Variants in CREBBP observed in about 807,000 individuals in gnomAD.
CREBBP encodes CREB-binding protein.
CREBBP carries 19 observed loss-of-function variants against 265.0 expected under a neutral mutation model. The observed-to-expected ratio is 0.07, with a 90% CI of 0.05 to 0.11. CREBBP has a LOEUF of 0.11. Ranked by LOEUF, CREBBP falls within the 10% of genes least tolerant of loss-of-function variation. CREBBP has a pLI of 1.00. For synonymous variants in CREBBP, 1,457 were observed against 1,223.7 expected, an observed-to-expected ratio of 1.19 and a Z score of -3.98; for missense variants, 2,525 against 3,219.0, an observed-to-expected ratio of 0.78 and a Z score of 5.22.
intron 19 of CREBBP, among the ~76,000 whole-genome samples, chr16:3,752,567 T>C (rs2052498187): frequency 6.6e-6 from 1 of 152,160 alleles, no homozygotes; most frequent in South Asian, 2.1e-4. Context: ...TCAAAGACTT[T>C]CCACCCATTT....
chr16:3,736,608 C>G lies in CREBBP; in HGVS notation c.4560+42G>C, dbSNP rs917206439. ...AAAAGGCACACAAATATCCTCCCCTCAGTTGTGACAAAAGCCACCACCTTC... is the reference window on the plus strand; with the variant it reads ...AAAAGGCACACAAATATCCTCCCCTGAGTTGTGACAAAAGCCACCACCTTC... On this transcript the variant is annotated intron_variant, in intron 27 of 30. Transcript: ENST00000262367. The G allele has an allele frequency of 2.5e-6, 4 of 1,613,658 alleles. No individual in the cohort carries two copies. The African/African-American group carries it at 5.3e-5, about 22-fold the overall frequency.
In CREBBP at chr16:3,736,016, G is replaced by A. The variant is rs2151327539; in HGVS notation, c.4728+20C>T. The A allele has an allele frequency of 6.2e-7, 1 of 1,614,238 alleles. No homozygotes were observed. The highest frequency in any genetic ancestry group is 1.1e-5 in the South Asian group (1 of 91,084). ...TCCAGCGGGACACGTGGGCAATGGA[G>A]CTCAGAGAAGGGTCTGTACCTCAGT... On this transcript the variant is annotated intron_variant, in intron 28 of 30. Transcript: ENST00000262367.
chr16:3,871,195 T>A (rs2530889), intron 1 of CREBBP, among the ~76,000 whole-genome samples: 2,453 of 79,130 alleles, frequency 0.031, 55 homozygotes, highest in African/African-American at 0.077. Flanking sequence ...TCTCTCTCTC[T>A]CACTCACACA....
At chr16:3,832,152 C>G (rs980245963) in intron 2 of CREBBP, among the ~76,000 whole-genome samples, 12 of 151,872 alleles carry the variant, frequency 7.9e-5, no homozygotes, top group Admixed American at 7.9e-4. Flanking sequence ...ATAGCTAATA[C>G]CTATTAGCTA....
intron 3 of CREBBP, among the ~76,000 whole-genome samples, chr16:3,798,001 G>T (rs2053640963): frequency 2.0e-5 from 3 of 152,168 alleles, no homozygotes; most frequent in African/African-American, 7.2e-5. Context: ...AGAAAATGCA[G>T]ACACCTCACA....
At chr16:3,862,404 G>A (rs1478524044) in intron 1 of CREBBP, among the ~76,000 whole-genome samples, 4 of 152,092 alleles carry the variant, frequency 2.6e-5, no homozygotes, top group Non-Finnish European at 4.4e-5. Flanking sequence ...ACTACGGTAG[G>A]CAGGCTTGCT....
In CREBBP at chr16:3,728,405, CTGCTGCTGT is replaced by C. The variant is rs746989288; in HGVS notation, c.6633_6641del (p.Gln2214_Gln2216del). The C allele has an allele frequency of 2.3e-5, 37 of 1,613,408 alleles. 1 individual carries two copies. Among genetic ancestry groups the C allele is most frequent in the Middle Eastern group, 3.3e-4 (2 of 6,080 alleles). On this transcript the variant is annotated inframe_deletion, in exon 31 of 31. Coordinates refer to ENST00000262367, the MANE Select transcript of CREBBP (RefSeq NM_004380.3). The surrounding 1 kb of genome is among the most constrained non-coding windows in gnomAD (Gnocchi z 8.7). ...CAGCCATGCCGGCACTCCCTTGCTG[CTGCTGCTGT>C]TGCTGCTGTTGTTGCTGCTGCTGTT... is the stretch of plus-strand genomic sequence containing the variant.
intron 3 of CREBBP, among the ~76,000 whole-genome samples, chr16:3,794,296 C>T (rs940539247): frequency 7.4e-6 from 1 of 135,042 alleles, no homozygotes; most frequent in African/African-American, 2.8e-5. Flanking sequence ...GGCGCCACCG[C>T]ACTCCAGCCT....
chr16:3,758,210 G>A (rs555793565), intron 17 of CREBBP, among the ~76,000 whole-genome samples, 162 bp from the exon 18 acceptor site: 2 of 151,984 alleles, frequency 1.3e-5, no homozygotes, highest in Non-Finnish European at 2.9e-5. Context: ...AACCTCTGAC[G>A]CAACTGATTT....
At position 3,735,389 on chromosome 16, in the gene CREBBP, C is replaced by T. The variant is rs189677242; in HGVS notation, c.4728+647G>A. 6.6e-5 allele frequency among the ~76,000 whole-genome samples: 10 copies of T among 152,270 alleles called. No homozygotes were observed. The East Asian group carries it at 7.7e-4, about 12-fold the overall frequency. ...TAGGCTCACTGCAACCTCCGCCTCCCGGGTTCAAGCGATTCTCCTGCCTCA... is the reference window on the plus strand; with the variant it reads ...TAGGCTCACTGCAACCTCCGCCTCCTGGGTTCAAGCGATTCTCCTGCCTCA... On this transcript the variant is annotated intron_variant, in intron 28 of 30. Coordinates refer to ENST00000262367, the MANE Select transcript of CREBBP (RefSeq NM_004380.3).
intron 28 of CREBBP, among the ~76,000 whole-genome samples, chr16:3,733,044 A>G (rs529666084): frequency 2.0e-5 from 3 of 152,144 alleles, no homozygotes; most frequent in African/African-American, 7.2e-5. Flanking sequence ...CTTGGTGTTC[A>G]AAGAGAGGGG....
At chr16:3,840,302 C>T (rs1019608905) in intron 2 of CREBBP, among the ~76,000 whole-genome samples, 11 of 152,072 alleles carry the variant, frequency 7.2e-5, no homozygotes, top group African/African-American at 2.4e-4. Context: ...ACTTGTAATC[C>T]CAGCACTTTG....
intron 2 of CREBBP, among the ~76,000 whole-genome samples, chr16:3,826,346 A>C (rs1393691913): frequency 1.3e-5 from 2 of 152,248 alleles, no homozygotes; most frequent in East Asian, 3.8e-4. Context: ...TAAATTATGT[A>C]GACACTTTGC....
At chr16:3,753,097 A>G (rs898112487) in intron 19 of CREBBP, among the ~76,000 whole-genome samples, 3 of 152,188 alleles carry the variant, frequency 2.0e-5, no homozygotes, top group Admixed American at 6.5e-5. Flanking sequence ...AGATGCCAGG[A>G]AGGATTAGTA....
rs1238569926 is a variant in CREBBP, at chr16:3,726,983, G to A, written c.*735C>T. The A allele has an allele frequency of 4.3e-6, 1 of 233,536 alleles. No homozygotes were observed. The highest frequency in any genetic ancestry group is 2.2e-5 in the African/African-American group (1 of 45,332). The allele number at this position is 233,536 out of a possible 1,614,324, so 14.5% of individuals were successfully genotyped here. ...TTTTCCTCATTTCAAGTTTCACATA[G>A]AAGAAAGAAAAGAAGGCTTCTTCTC... is the stretch of plus-strand genomic sequence containing the variant. On this transcript the variant is annotated 3_prime_UTR_variant, in exon 31 of 31. Coordinates refer to ENST00000262367, the MANE Select transcript of CREBBP (RefSeq NM_004380.3).
intron 3 of CREBBP, among the ~76,000 whole-genome samples, chr16:3,806,435 T>C (rs1012204120): frequency 4.7e-5 from 7 of 150,432 alleles, no homozygotes; most frequent in African/African-American, 1.5e-4. Context: ...AATGGTGAAG[T>C]CTCCATAACG....
intron 21 of CREBBP, among the ~76,000 whole-genome samples, chr16:3,748,275 T>G (rs559402653): frequency 6.7e-6 from 1 of 149,392 alleles, no homozygotes; most frequent in African/African-American, 2.5e-5. Context: ...AAGACTTGTC[T>G]CAGGGGGAAA....
chr16:3,789,146 G>A (rs1169179164), intron 5 of CREBBP, among the ~76,000 whole-genome samples: 6 of 152,166 alleles, frequency 3.9e-5, no homozygotes, highest in Admixed American at 1.3e-4. Context: ...TAAGACCAGC[G>A]CTGGCCTGTG....
chr16:3,843,423 A>AT (rs71133662), intron 2 of CREBBP, among the ~76,000 whole-genome samples: 131,319 of 141,892 alleles, frequency 0.93, 61,141 homozygotes, highest in Non-Finnish European at 0.98. Context: ...GTTGTCAAAG[A>AT]TTTTTTTTTT....
Sources: gnomAD v4.1 joint callset for allele counts (sites outside exome capture counted in the v4.1 genomes callset) on GRCh38, gnomAD v4.1.1 for gene constraint, Gnocchi (gnomAD v3.1) non-coding constraint, MANE v1.5 for transcripts, NCBI Gene and HGNC (gene_info 2026-07-23, HGNC 2026-07-21) for gene names.